SPAST: variants seen among roughly 807,000 people sequenced by gnomAD.
SPAST encodes spastic paraplegia 4 (autosomal dominant; spastin).
In SPAST, 30 loss-of-function variants were observed where a neutral mutation model predicts 76.6. The observed-to-expected ratio is 0.39, with a 90% confidence interval of 0.29 to 0.53. SPAST has a LOEUF of 0.53. SPAST is among the 20% of genes least tolerant of loss of function. The pLI, the probability that SPAST is intolerant of heterozygous loss-of-function variation, is 0.68. For synonymous variants in SPAST, 305 were observed against 281.0 expected, an observed-to-expected ratio of 1.09 and a Z score of -0.86; for missense variants, 717 against 770.5, an observed-to-expected ratio of 0.93 and a Z score of 0.82.
At chr2:32,104,964 C>A (rs1486531363) in intron 4 of SPAST, among the ~76,000 whole-genome samples, 2 of 152,078 alleles carry the variant, frequency 1.3e-5, no homozygotes, top group African/African-American at 4.8e-5. Flanking sequence ...ATCTTTGTGG[C>A]ATTCTCTGTA....
At chr2:32,073,411 CAGT>C (rs1657420810) in intron 1 of SPAST, among the ~76,000 whole-genome samples, 1 of 152,184 alleles carries the variant, frequency 6.6e-6, no homozygotes, top group Admixed American at 6.6e-5. Flanking sequence ...CTGTTCCACC[CAGT>C]AGTAGTTGGG....
intron 1 of SPAST, among the ~76,000 whole-genome samples, chr2:32,085,190 C>G (rs948390319): frequency 7.0e-6 from 1 of 142,116 alleles, no homozygotes; most frequent in Non-Finnish European, 1.5e-5. Flanking sequence ...TTAATAATTT[C>G]TTTTTCTTCT....
At chr2:32,142,729 T>C (rs549317469) in intron 13 of SPAST, among the ~76,000 whole-genome samples, 6 of 152,150 alleles carry the variant, frequency 3.9e-5, no homozygotes, top group African/African-American at 1.4e-4. Context: ...GTAAAGCAGA[T>C]CAGTGGGTTG....
chr2:32,089,199 A>AT lies in SPAST; in HGVS notation c.503-304dup, dbSNP rs375585004. ...CAACTCACCCTCCCATGCTCGGCTAATTTTTTTTTTTTTTTTTTTAAGTAG... is the reference window on the plus strand; with the variant it reads ...CAACTCACCCTCCCATGCTCGGCTAATTTTTTTTTTTTTTTTTTTTAAGTAG... On this transcript the variant is annotated intron_variant, in intron 2 of 16. Coordinates refer to ENST00000315285, the MANE Select transcript of SPAST (RefSeq NM_014946.4). 9.3e-4 allele frequency among the ~76,000 whole-genome samples: 84 copies of AT among 89,894 alleles called. 3 individuals carry two copies. Among genetic ancestry groups the AT allele is most frequent in the East Asian group, 7.3e-3 (15 of 2,068 alleles). The allele number at this position is 89,894 out of a possible 152,430, so 59.0% of individuals were successfully genotyped here. A position where few individuals can be genotyped will look rare whatever the true frequency, so the allele number is the denominator to read the frequency against.
intron 4 of SPAST, among the ~76,000 whole-genome samples, chr2:32,101,323 T>G (rs1259264932): frequency 6.6e-6 from 1 of 152,222 alleles, no homozygotes; most frequent in Non-Finnish European, 1.5e-5. Flanking sequence ...ATTTTTTTCT[T>G]GTAAATTTTT....
intron 4 of SPAST, among the ~76,000 whole-genome samples, chr2:32,111,296 GCGT>G (rs1678586598): frequency 2.8e-5 from 3 of 105,462 alleles, no homozygotes; most frequent in Non-Finnish European, 6.2e-5. Flanking sequence ...AGTGTGTATA[GCGT>G]ATATATACAG....
chr2:32,075,875 TAATGAAAAATTCAAAATGCTC>T (rs1558614586), intron 1 of SPAST, among the ~76,000 whole-genome samples: 3 of 142,780 alleles, frequency 2.1e-5, no homozygotes, highest in South Asian at 2.3e-4. Flanking sequence ...TTTTTTTTTT[TAATGAAAAATTCAAAATGCTC>T]TTTTTTTTTT....
At chr2:32,146,135 C>G (rs1401276569) in intron 15 of SPAST, among the ~76,000 whole-genome samples, 1 of 152,132 alleles carries the variant, frequency 6.6e-6, no homozygotes, top group Non-Finnish European at 1.5e-5. Context: ...GCTGCTGGAG[C>G]TTAAATCTTG....
chr2:32,076,208 T>C (rs147984746), intron 1 of SPAST, among the ~76,000 whole-genome samples: 119 of 152,060 alleles, frequency 7.8e-4, no homozygotes, highest in African/African-American at 2.7e-3. Context: ...GCCACAGAAA[T>C]TTTTTGAAGA....
At chr2:32,148,409 C>T (rs537275088) in intron 16 of SPAST, among the ~76,000 whole-genome samples, 19 of 152,156 alleles carry the variant, frequency 1.2e-4, no homozygotes, top group African/African-American at 4.1e-4. Context: ...CGGTGGCTCA[C>T]GCCTGTAATC....
chr2:32,084,425 A>C (rs573388934), intron 1 of SPAST, among the ~76,000 whole-genome samples: 2 of 151,592 alleles, frequency 1.3e-5, no homozygotes, highest in Non-Finnish European at 2.9e-5. Context: ...CGGCCTCCCA[A>C]AGTGCTGGGA....
chr2:32,114,936 G>T, intron 5 of SPAST, 111 bp downstream of exon 5: 1 of 772,714 alleles, frequency 1.3e-6, no homozygotes, highest in Non-Finnish European at 2.1e-6. Context: ...TTAGAGAATG[G>T]ATAAGTTTCC....
At chr2:32,106,911 G>T in intron 4 of SPAST, among the ~76,000 whole-genome samples, 1 of 151,212 alleles carries the variant, frequency 6.6e-6, no homozygotes, top group East Asian at 1.9e-4. Context: ...ACAAAGAAAT[G>T]TAAGAGTCCA....
intron 1 of SPAST, among the ~76,000 whole-genome samples, chr2:32,074,904 A>T (rs1246309017): frequency 6.6e-6 from 1 of 152,172 alleles, no homozygotes; most frequent in Non-Finnish European, 1.5e-5. Context: ...GATCTTGGGC[A>T]AGTTACTTAA....
chr2:32,110,761 A>ACTATATATAG, intron 4 of SPAST, among the ~76,000 whole-genome samples: 1 of 134,018 alleles, frequency 7.5e-6, no homozygotes, highest in African/African-American at 2.9e-5. Flanking sequence ...AGTATAGTAT[A>ACTATATATAG]TATAGTATAC....
At chr2:32,131,452 A>T (rs1679366814) in intron 9 of SPAST, among the ~76,000 whole-genome samples, 1 of 152,146 alleles carries the variant, frequency 6.6e-6, no homozygotes. Flanking sequence ...TGTGTTCTTC[A>T]CTTCAATTTT....
chr2:32,109,949 C>A (rs1182358479), intron 4 of SPAST, among the ~76,000 whole-genome samples: 1 of 128,068 alleles, frequency 7.8e-6, no homozygotes, highest in Non-Finnish European at 1.7e-5. Context: ...TATATAGTTA[C>A]ATATGTATAT....
chr2:32,098,295 G>C (rs959505627), intron 3 of SPAST, among the ~76,000 whole-genome samples: 1 of 151,980 alleles, frequency 6.6e-6, no homozygotes, highest in African/African-American at 2.4e-5. Flanking sequence ...TTGAGACCCC[G>C]TCTCTACAAA....
intron 16 of SPAST, among the ~76,000 whole-genome samples, chr2:32,148,370 C>T (rs1307380610): frequency 6.6e-6 from 1 of 151,902 alleles, no homozygotes; most frequent in East Asian, 1.9e-4. Context: ...TACATAAATA[C>T]CAAACAGAAG....
Sources: allele counts gnomAD v4.1 joint callset (sites outside exome capture counted in the v4.1 genomes callset), GRCh38; gene constraint gnomAD v4.1.1; transcripts MANE v1.5; gene names NCBI Gene and HGNC (gene_info 2026-07-23, HGNC 2026-07-21).